The following RUNX1T1 variants were observed in gnomAD, a reference collection of about 807,000 sequenced individuals.
The protein encoded by RUNX1T1 is protein CBFA2T1.
In RUNX1T1, 4 loss-of-function variants were observed where a neutral mutation model predicts 62.8. The ratio of observed to expected loss-of-function variants is 0.06; its 90% CI spans 0.03 to 0.15. The LOEUF (loss-of-function observed/expected upper bound fraction) is 0.15. RUNX1T1 is among the 10% of genes least tolerant of loss of function. RUNX1T1 has a pLI of 1.00. For synonymous variants in RUNX1T1, 291 were observed against 286.0 expected (o/e 1.02, Z -0.18); for missense variants, 508 against 754.3 (o/e 0.67, Z 3.82).
chr8:91,958,327 A>G (rs2130363499), downstream of RUNX1T1: 1 of 195,900 alleles, frequency 5.1e-6, no homozygotes. Context: ...GATTCATACT[A>G]TACCTTGCTG....
In RUNX1T1 at chr8:92,014,481, A is replaced by G. The variant is rs571950712; in HGVS notation, c.387+98T>C. ...ACAATCTTCAGATGTAGAAACTATT[A>G]TAACAAAATACTTGCGAGAACGGTG... On this transcript the variant is annotated intron_variant, in intron 3 of 10. Transcript: ENST00000396218. 91 of 1,120,584 alleles carry G rather than the reference A, an allele frequency of 8.1e-5. No homozygotes were observed. The African/African-American group carries it at 1.1e-3, about 13-fold the overall frequency. 69.4% of individuals were successfully genotyped at this position (1,120,584 alleles called of 1,614,324 possible). A position where few individuals can be genotyped will look rare whatever the true frequency, so the allele number is the denominator to read the frequency against.
chr8:92,081,538 T>G (rs1056583785), intron 1 of RUNX1T1, among the ~76,000 whole-genome samples: 3 of 145,212 alleles, frequency 2.1e-5, no homozygotes, highest in Admixed American at 6.8e-5. Flanking sequence ...GTTTGGTAGT[T>G]TTTTTTTTTT....
At chr8:92,073,133 GC>G (rs1287940769) in intron 2 of RUNX1T1, among the ~76,000 whole-genome samples, 3 of 152,050 alleles carry the variant, frequency 2.0e-5, no homozygotes, top group Admixed American at 2.0e-4. Context: ...GTCCTCAATG[GC>G]TTATGATAGC....
exon 1 of RUNX1T1, chr8:92,062,611 G>C: frequency 6.2e-7 from 1 of 1,614,038 alleles, no homozygotes; most frequent in Non-Finnish European, 8.5e-7. Flanking sequence ...GCGCGTTCCG[G>C]GCTCATGCCT....
At chr8:92,035,692 A>G (rs1827286311) in intron 1 of RUNX1T1, among the ~76,000 whole-genome samples, 1 of 152,144 alleles carries the variant, frequency 6.6e-6, no homozygotes, top group Non-Finnish European at 1.5e-5. Flanking sequence ...AATTCAGAGA[A>G]GTTACCCTAA....
chr8:92,013,175 A>T (rs1459405244), intron 3 of RUNX1T1, among the ~76,000 whole-genome samples: 1 of 152,200 alleles, frequency 6.6e-6, no homozygotes, highest in Non-Finnish European at 1.5e-5. Context: ...CATGTTAAAA[A>T]AGCTTATTAT....
chr8:92,014,730 G>A (rs868588500), exon 3 of RUNX1T1: 1 of 1,614,142 alleles, frequency 6.2e-7, no homozygotes, highest in Non-Finnish European at 8.5e-7. Context: ...CAGAGAGGAG[G>A]AGGAAGAAGA....
At position 92,043,198 on chromosome 8, in the gene RUNX1T1, C is replaced by A. The variant is rs183022313; in HGVS notation, c.7+19348G>T. ...GTGACTATATAGCATTCTGCCCCCT[C>A]CAAAAAAATAAAGTTTCCACAAAAA... is the stretch of plus-strand genomic sequence containing the variant. On this transcript the variant is annotated intron_variant, in intron 1 of 10. Transcript: ENST00000396218. Among the ~76,000 whole-genome samples, 25 of 152,124 alleles carry A rather than the reference C, an allele frequency of 1.6e-4. No individual in the cohort carries two copies. The East Asian group carries it at 4.1e-3, about 25-fold the overall frequency.
chr8:91,970,923 T>C (rs1812699968), intron 9 of RUNX1T1, 75 bp from the exon 11 acceptor site: 1 of 1,272,436 alleles, frequency 7.9e-7, no homozygotes, highest in East Asian at 2.7e-5. Context: ...CGGATTACTT[T>C]TCTTTTAATT....
At chr8:92,036,077 C>G (rs1827363692) in intron 1 of RUNX1T1, among the ~76,000 whole-genome samples, 1 of 152,102 alleles carries the variant, frequency 6.6e-6, no homozygotes, top group Admixed American at 6.6e-5. Flanking sequence ...AGATGACAGT[C>G]TAAATTCCCA....
At chr8:91,959,412 T>TTGTGTGTGTGTGTGTGTGTGTGTGTG (rs56037232) in exon 11 of RUNX1T1, 2 of 135,868 alleles carry the variant, frequency 1.5e-5, no homozygotes, top group Non-Finnish European at 2.7e-5. Flanking sequence ...AGTCTCTTAC[T>TTGTGTGTGTGTGTGTGTGTGTGTGTG]TGTGTGTGTG....
At chr8:91,976,508 T>C (rs1343839146) in intron 8 of RUNX1T1, among the ~76,000 whole-genome samples, 2 of 152,188 alleles carry the variant, frequency 1.3e-5, no homozygotes, top group Non-Finnish European at 2.9e-5. Flanking sequence ...AATTAGATCA[T>C]ATGGATTTGA....
intron 1 of RUNX1T1, among the ~76,000 whole-genome samples, chr8:92,092,246 A>G (rs1837141353): frequency 6.6e-6 from 1 of 152,208 alleles, no homozygotes; most frequent in South Asian, 2.1e-4. Context: ...ATTATTTAAG[A>G]CATCTTAAGA....
At chr8:92,076,996 T>C (rs1834525294) in intron 1 of RUNX1T1, among the ~76,000 whole-genome samples, 1 of 152,060 alleles carries the variant, frequency 6.6e-6, no homozygotes, top group Admixed American at 6.6e-5. Context: ...GGAAGAAAGA[T>C]TTCTAAAAGC....
At chr8:92,025,106 T>C (rs1289084276) in intron 1 of RUNX1T1, among the ~76,000 whole-genome samples, 1 of 152,200 alleles carries the variant, frequency 6.6e-6, no homozygotes, top group African/African-American at 2.4e-5. Context: ...GCTACTCATT[T>C]CTACAACCTG....
intron 1 of RUNX1T1, among the ~76,000 whole-genome samples, chr8:92,044,333 G>A (rs1829007550): frequency 6.6e-6 from 1 of 152,210 alleles, no homozygotes; most frequent in African/African-American, 2.4e-5. Flanking sequence ...CTGTATTCAT[G>A]TTTTGTGAAT....
chr8:91,959,488 GTA>G (rs60438153), exon 11 of RUNX1T1: 2,991 of 85,826 alleles, frequency 0.035, 45 homozygotes, highest in Middle Eastern at 0.048. Context: ...GTGTGTGTGT[GTA>G]TATATATATA....
intron 5 of RUNX1T1, among the ~76,000 whole-genome samples, chr8:91,993,408 A>C (rs1441331528): frequency 6.6e-6 from 1 of 152,130 alleles, no homozygotes; most frequent in Non-Finnish European, 1.5e-5. Flanking sequence ...ACTGAGGGTA[A>C]ATCTTCAGAG....
At chr8:91,983,192 C>G (rs1461420228) in intron 8 of RUNX1T1, among the ~76,000 whole-genome samples, 1 of 151,984 alleles carries the variant, frequency 6.6e-6, no homozygotes, top group Non-Finnish European at 1.5e-5. Context: ...CTCGGCCTCC[C>G]AAAGTGCTTG....
Sources: allele counts gnomAD v4.1 joint callset (sites outside exome capture counted in the v4.1 genomes callset), GRCh38; gene constraint gnomAD v4.1.1; transcripts MANE v1.5; gene names NCBI Gene and HGNC (gene_info 2026-07-23, HGNC 2026-07-21).